The following MECOM variants were observed in gnomAD, a reference collection of about 807,000 sequenced individuals.
The protein encoded by MECOM is histone-lysine N-methyltransferase MECOM.
MECOM carries 13 observed loss-of-function variants against 116.3 expected under a neutral mutation model. The observed-to-expected ratio is 0.11, with a 90% CI of 0.07 to 0.18. The LOEUF (loss-of-function observed/expected upper bound fraction) is 0.18, where lower values mean the gene tolerates loss of function less well. MECOM is among the 10% of genes least tolerant of loss of function. The pLI, the probability that MECOM is intolerant of heterozygous loss-of-function variation, is 1.00. For synonymous variants in MECOM, 528 were observed against 535.2 expected (o/e 0.99, Z 0.19); for missense variants, 1,299 against 1,509.0 (o/e 0.86, Z 2.31).
intron 1 of MECOM, among the ~76,000 whole-genome samples, chr3:169,429,942 G>A (rs1010204517): frequency 1.3e-5 from 2 of 152,190 alleles, no homozygotes; most frequent in Admixed American, 6.5e-5. Flanking sequence ...ACAGCTGAAA[G>A]TTCAAAGATA....
chr3:169,507,569 CT>C (rs1187827129), intron 1 of MECOM, among the ~76,000 whole-genome samples: 1 of 150,808 alleles, frequency 6.6e-6, no homozygotes, highest in Non-Finnish European at 1.5e-5. Context: ...TCTTTTTCCC[CT>C]GGCTTCATTT....
intron 2 of MECOM, among the ~76,000 whole-genome samples, chr3:169,330,377 A>G (rs900651236): frequency 1.3e-5 from 2 of 152,308 alleles, no homozygotes; most frequent in Middle Eastern, 3.4e-3. Flanking sequence ...AGAAGAGGGA[A>G]AGTCTTTGCA....
intron 1 of MECOM, among the ~76,000 whole-genome samples, chr3:169,594,176 A>AAAAAAAAAAAAAAAAAAAC (rs1553894631): frequency 1.1e-4 from 15 of 139,712 alleles, no homozygotes; most frequent in South Asian, 2.2e-4. Context: ...AAAAAAAAAA[A>AAAAAAAAAAAAAAAAAAAC]CACCTTTTCA....
chr3:169,133,066 T>C lies in MECOM; in HGVS notation c.511-1535A>G, dbSNP rs542522910. On this transcript the variant is annotated intron_variant, in intron 3 of 16. Transcript: ENST00000651503. ...TGCACCCAGCCCAGAATCAATCTTA[T>C]TAAGCCAAAAAAGTCCAGATTCTAA... is the stretch of plus-strand genomic sequence containing the variant. Among the ~76,000 whole-genome samples the C allele has an allele frequency of 9.9e-5, 15 of 151,868 alleles. No individual in the cohort carries two copies. In the South Asian group the frequency reaches 2.9e-3, roughly 30 times the overall value.
chr3:169,654,212 A>G lies in MECOM; in HGVS notation c.37+9124T>C, dbSNP rs570057107. Among the ~76,000 whole-genome samples, 15 of 152,308 alleles carry G rather than the reference A, an allele frequency of 9.8e-5. No homozygotes were observed. In the East Asian group the frequency reaches 2.9e-3, roughly 29 times the overall value. On this transcript the variant is annotated intron_variant, in intron 1 of 16. Coordinates refer to ENST00000651503, the MANE Select transcript of MECOM (RefSeq NM_004991.4). ...GGAGAGTCCATTGTGTTGACATTCC[A>G]TCACCACAATTTTTAATCCTAAAGA...
intron 14 of MECOM, among the ~76,000 whole-genome samples, chr3:169,092,625 T>C (rs1055729048): frequency 6.6e-6 from 1 of 152,124 alleles, no homozygotes; most frequent in Non-Finnish European, 1.5e-5. Context: ...AGCTAAATCC[T>C]GGTAAAATTA....
intron 1 of MECOM, among the ~76,000 whole-genome samples, chr3:169,645,316 T>C (rs1774032198): frequency 6.6e-6 from 1 of 152,066 alleles, no homozygotes; most frequent in Non-Finnish European, 1.5e-5. Flanking sequence ...TTTTCTGGTT[T>C]CCCTGCACAC....
In MECOM at chr3:169,338,534, G is replaced by A. The variant is rs1344619239; in HGVS notation, c.375+42653C>T. Among the ~76,000 whole-genome samples, 8 of 151,974 alleles carry A rather than the reference G, an allele frequency of 5.3e-5. No homozygotes were observed. The South Asian group carries it at 1.5e-3, about 28-fold the overall frequency. Reference sequence around the variant, plus strand: ...GAAAACTGGAGTAATTTAGGCCAAAGAAACCTTTCTATAGATAACACTTTT... The same window carrying A: ...GAAAACTGGAGTAATTTAGGCCAAAAAAACCTTTCTATAGATAACACTTTT... On this transcript the variant is annotated intron_variant, in intron 2 of 16. Transcript: ENST00000651503.
chr3:169,529,659 G>T (rs1271171648), intron 1 of MECOM, among the ~76,000 whole-genome samples: 1 of 152,184 alleles, frequency 6.6e-6, no homozygotes, highest in African/African-American at 2.4e-5. Context: ...TCCTAAGCCA[G>T]GTGCTAGCTG....
At chr3:169,192,083 A>C (rs1330055092) in intron 2 of MECOM, among the ~76,000 whole-genome samples, 2 of 152,022 alleles carry the variant, frequency 1.3e-5, no homozygotes, top group East Asian at 3.9e-4. Flanking sequence ...GGAACCTAAA[A>C]ATGAAAAATA....
chr3:169,554,017 C>T (rs866466811), intron 1 of MECOM, among the ~76,000 whole-genome samples: 3 of 152,192 alleles, frequency 2.0e-5, no homozygotes, highest in African/African-American at 7.2e-5. Flanking sequence ...TCAGTCCTAA[C>T]ACTACATTTC....
chr3:169,420,538 G>A (rs982121478), intron 1 of MECOM, among the ~76,000 whole-genome samples: 15 of 152,116 alleles, frequency 9.9e-5, no homozygotes, highest in Admixed American at 8.5e-4. Flanking sequence ...GAGGCAAATA[G>A]CAAACATATT....
At chr3:169,658,171 G>A (rs1320435526) in intron 1 of MECOM, among the ~76,000 whole-genome samples, 1 of 152,206 alleles carries the variant, frequency 6.6e-6, no homozygotes, top group Non-Finnish European at 1.5e-5. Context: ...GATTTATCCT[G>A]CGCCGTCCAG....
At chr3:169,542,578 T>C (rs1189098292) in intron 1 of MECOM, among the ~76,000 whole-genome samples, 1 of 152,218 alleles carries the variant, frequency 6.6e-6, no homozygotes, top group Non-Finnish European at 1.5e-5. Flanking sequence ...ATTAGCTAAT[T>C]GTTATGATTA....
rs192701019 is a variant in MECOM at position 169,385,952 on chromosome 3, C to T, written c.38-4428G>A. Among the ~76,000 whole-genome samples the T allele has an allele frequency of 4.6e-5, 7 of 152,258 alleles. No individual in the cohort carries two copies. In the East Asian group the frequency reaches 1.4e-3, roughly 29 times the overall value. On this transcript the variant is annotated intron_variant, in intron 1 of 16. Transcript: ENST00000651503. ...CTGAGCTGTCTGCTACTGTAATTTG[C>T]TTCATGCATCCTTTAGGCATGTCAT...
At chr3:169,413,467 G>GT (rs1157288050) in intron 1 of MECOM, among the ~76,000 whole-genome samples, 164 of 137,146 alleles carry the variant, frequency 1.2e-3, no homozygotes, top group Middle Eastern at 7.1e-3. Flanking sequence ...AGCTGCAGGA[G>GT]TTTTTTTTTT....
At chr3:169,135,312 T>G (rs559921178) in intron 3 of MECOM, among the ~76,000 whole-genome samples, 24 of 152,172 alleles carry the variant, frequency 1.6e-4, no homozygotes, top group African/African-American at 5.3e-4. Flanking sequence ...GATCTGAAAT[T>G]TTGTAATGAA....
chr3:169,204,006 A>C (rs1275404999), intron 2 of MECOM, among the ~76,000 whole-genome samples: 1 of 152,094 alleles, frequency 6.6e-6, no homozygotes, highest in East Asian at 1.9e-4. Flanking sequence ...TTTATTCTTA[A>C]TTTTCAATCA....
chr3:169,340,151 T>C (rs1025334284), intron 2 of MECOM, among the ~76,000 whole-genome samples: 2 of 152,192 alleles, frequency 1.3e-5, no homozygotes, highest in Non-Finnish European at 2.9e-5. Context: ...ATTTTTGCTA[T>C]TGATTGCTTC....
Sources: allele counts gnomAD v4.1 joint callset (sites outside exome capture counted in the v4.1 genomes callset), GRCh38; gene constraint gnomAD v4.1.1; transcripts MANE v1.5; gene names NCBI Gene and HGNC (gene_info 2026-07-23, HGNC 2026-07-21).